Variants in DENND2D observed in about 807,000 individuals in gnomAD.
The protein encoded by DENND2D is DENN domain containing 2D.
In DENND2D, 37 loss-of-function variants were observed where a neutral mutation model predicts 59.8. The observed-to-expected ratio is 0.62, with a 90% CI of 0.48 to 0.81. The LOEUF (loss-of-function observed/expected upper bound fraction) is 0.81, where lower values mean the gene tolerates loss of function less well. DENND2D is among the 40% of genes least tolerant of loss of function. DENND2D has a pLI of 0.00. For synonymous variants in DENND2D, 219 were observed against 211.3 expected, an observed-to-expected ratio of 1.04 and a Z score of -0.31; for missense variants, 525 against 579.7, an observed-to-expected ratio of 0.91 and a Z score of 0.97.
rs372717111 is a variant in DENND2D at position 111,188,388 on chromosome 1, G to T, written c.1100-18C>A. The T allele has an allele frequency of 1.2e-5, 19 of 1,610,960 alleles. 1 individual carries two copies. The highest frequency in any genetic ancestry group is 8.3e-5 in the Admixed American group (5 of 59,920). On this transcript the variant is annotated intron_variant, in intron 10 of 11. Coordinates refer to ENST00000357640, the MANE Select transcript of DENND2D (RefSeq NM_024901.5). ...TTCTGCAGCTGCAGGAGATATAAAGGCCATCTCAGAGGGTAGCAGAAGGAT... is the reference window on the plus strand; with the variant it reads ...TTCTGCAGCTGCAGGAGATATAAAGTCCATCTCAGAGGGTAGCAGAAGGAT...
rs1350615870 is a variant in DENND2D, at chr1:111,196,021, G to C, written c.540C>G (p.Ser180=). The C allele has an allele frequency of 6.2e-7, 1 of 1,613,594 alleles. No individual in the cohort carries two copies. Among genetic ancestry groups the C allele is most frequent in the East Asian group, 2.2e-5 (1 of 44,866 alleles). ...GCATGAACGGGTAGATGACAGCCATGGAGATCTGATGTCTCTTCTCCACTT... is the reference window on the plus strand; with the variant it reads ...GCATGAACGGGTAGATGACAGCCATCGAGATCTGATGTCTCTTCTCCACTT... The part of the protein sequence containing the change: ...LDEVEKRHQI[S]MAVIYPFMQG... Residue 180 remains serine, a synonymous_variant, in exon 6 of 12, where the codon TCC becomes TCG. Coordinates refer to ENST00000357640, the MANE Select transcript of DENND2D (RefSeq NM_024901.5).
Position 111,200,428 on chromosome 1 carries a change from C to T in DENND2D, c.32G>A (p.Arg11Lys), listed in dbSNP as rs1416578379. The T allele has an allele frequency of 3.1e-6, 5 of 1,612,384 alleles. No individual in the cohort carries two copies. The highest frequency in any genetic ancestry group is 4.2e-6 in the Non-Finnish European group (5 of 1,179,258). ...TTGAAGCAGTCGGCGTTGGAAGAGC[C>T]TGAACACCCGGCCTACCACTTGTCC... is the stretch of plus-strand genomic sequence containing the variant. MEGQVVGRVF[R>K]LFQRRLLQLR... The change falls in exon 1 of 12, where the codon AGG (arginine) becomes AAG (lysine). Residue 11 changes from arginine to lysine, a missense_variant. By Grantham distance (26) the Arg-to-Lys change is conservative (BLOSUM62 2). Around this residue, in one of 3 missense-constraint regions of DENND2D, gnomAD observed 253 missense variants for 246.4 expected, o/e 1.03. Transcript: ENST00000357640.
chr1:111,197,716 C>G, intron 4 of DENND2D: 1 of 1,421,284 alleles, frequency 7.0e-7, no homozygotes, highest in Non-Finnish European at 9.2e-7. Flanking sequence ...CAGAGCCTGA[C>G]CAGCAGCGGG....
upstream of DENND2D, among the ~76,000 whole-genome samples, chr1:111,203,481 A>G (rs976298281): frequency 6.6e-6 from 1 of 152,250 alleles, no homozygotes; most frequent in African/African-American, 2.4e-5. Flanking sequence ...GCTAGTGGTA[A>G]GCCACACAAA....
At chr1:111,197,498 G>A in intron 4 of DENND2D, 1 of 1,407,234 alleles carries the variant, frequency 7.1e-7, no homozygotes, top group Non-Finnish European at 9.2e-7. Context: ...AAGAGGGGTA[G>A]CAAGTGTGCC....
rs772199183 is a variant in DENND2D, at chr1:111,200,482, G to A, written c.-23C>T. ...CATCTCTGGGCCTTCAGGACAGAGC[G>A]GACTCCCCTCTCCCCTAACACAGAC... On this transcript the variant is annotated 5_prime_UTR_variant, in exon 1 of 12. Transcript: ENST00000357640. The A allele has an allele frequency of 1.3e-5, 20 of 1,598,184 alleles. No homozygotes were observed. In the East Asian group the frequency reaches 1.6e-4, roughly 13 times the overall value.
intron 8 of DENND2D, 51 bp from the exon 9 acceptor site, chr1:111,189,304 C>A (rs375365636): frequency 3.1e-5 from 50 of 1,603,150 alleles, no homozygotes; most frequent in Non-Finnish European, 4.1e-5. Flanking sequence ...TCATAGACCC[C>A]CAGAGGATTT....
chr1:111,194,857 C>T (rs1441243385), intron 6 of DENND2D, 131 bp from the exon 7 acceptor site: 2 of 1,009,876 alleles, frequency 2.0e-6, no homozygotes, highest in Admixed American at 2.5e-5. Flanking sequence ...TCTCTGTCCC[C>T]CTGCTAATTG....
At chr1:111,202,178 A>G (rs528475771), upstream of DENND2D, among the ~76,000 whole-genome samples, 13 of 152,324 alleles carry the variant, frequency 8.5e-5, no homozygotes, top group Admixed American at 3.3e-4. Context: ...ATTCTAATGA[A>G]ATTATGCCTT....
At chr1:111,198,787 G>C (rs765483359) in intron 2 of DENND2D, 45 bp from the exon 3 acceptor site, 29 of 1,598,456 alleles carry the variant, frequency 1.8e-5, no homozygotes, top group Admixed American at 5.0e-5. Context: ...GCTGGGGGCA[G>C]AGATAGCAGG....
At chr1:111,196,890 A>C (rs1388751335) in intron 5 of DENND2D, 2 of 390,712 alleles carry the variant, frequency 5.1e-6, no homozygotes, top group African/African-American at 4.0e-5. Flanking sequence ...GAGGAAATTG[A>C]AACTCAGGGC....
At chr1:111,197,735 C>G in intron 4 of DENND2D, 185 bp downstream of exon 4, 1 of 1,427,054 alleles carries the variant, frequency 7.0e-7, no homozygotes, top group Non-Finnish European at 9.1e-7. Context: ...GGAGAAGGGG[C>G]ATCAGGTCCT....
In DENND2D at chr1:111,195,942, T is replaced by C. The variant is rs920618467; in HGVS notation, c.619A>G (p.Ser207Gly). ...PAPGKTVTLK[S>G]FIPDSGTEFI... is the part of the protein sequence containing the mutation. The stretch of plus-strand genomic sequence containing the variant: ...TCAGTGCCTGAGTCGGGGATGAAGC[T>C]CTTGAGAGTGACAGTCTTCCCAGGA... Residue 207 changes from serine to glycine, a missense_variant, in exon 6 of 12, where the codon AGC (serine) becomes GGC (glycine). Ser to Gly is a moderately conservative substitution (Grantham distance 56, BLOSUM62 0). This residue lies in a region of DENND2D where 47 missense variants were observed against 80.9 expected (regional missense o/e 0.58). Transcript: ENST00000357640. 1.2e-6 allele frequency: 2 copies of C among 1,613,986 alleles called. No individual in the cohort carries two copies. The highest frequency in any genetic ancestry group is 1.7e-6 in the Non-Finnish European group (2 of 1,180,002).
intron 8 of DENND2D, among the ~76,000 whole-genome samples, chr1:111,189,494 A>G (rs1226336694): frequency 2.0e-5 from 3 of 152,220 alleles, no homozygotes; most frequent in Non-Finnish European, 2.9e-5. Flanking sequence ...AGAAAGAGCT[A>G]AGGTAGAAGG....
Position 111,187,388 on chromosome 1 carries a change from G to T in DENND2D, c.*217C>A. ...TGCAAAAAATGGAGCTCTGAGCCCA[G>T]TTCTGTGAGCATGGTGTCAGAGCCC... On this transcript the variant is annotated 3_prime_UTR_variant, in exon 12 of 12. Coordinates refer to ENST00000357640, the MANE Select transcript of DENND2D (RefSeq NM_024901.5). 1 of 561,514 alleles carries T rather than the reference G, an allele frequency of 1.8e-6. No homozygotes were observed. The highest frequency in any genetic ancestry group is 3.0e-5 in the East Asian group (1 of 33,692). 34.8% of individuals were successfully genotyped at this position (561,514 alleles called of 1,614,324 possible).
chr1:111,189,329 T>C, intron 8 of DENND2D, 76 bp from the exon 9 acceptor site: 4 of 1,522,956 alleles, frequency 2.6e-6, no homozygotes, highest in Non-Finnish European at 3.6e-6. Context: ...TCTTGATTTC[T>C]GCCTGTGGCT....
Position 111,194,780 on chromosome 1 carries a change from A to G in DENND2D, c.646-54T>C, listed in dbSNP as rs116006110. ...GTCACTATACTGCAAGATCATGCAG[A>G]CCCCGAGGTGCTAGGCCTCTACCAG... On this transcript the variant is annotated intron_variant, in intron 6 of 11. Coordinates refer to ENST00000357640, the MANE Select transcript of DENND2D (RefSeq NM_024901.5). 691 of 1,591,176 alleles carry G rather than the reference A, an allele frequency of 4.3e-4. 5 individuals carry two copies. The African/African-American group carries it at 8.5e-3, about 20-fold the overall frequency.
chr1:111,195,744 A>G, intron 6 of DENND2D, 172 bp downstream of exon 6: 1 of 859,804 alleles, frequency 1.2e-6, no homozygotes. Context: ...AGTTAGAAGG[A>G]TCAGAAAATC....
Position 111,199,639 on chromosome 1 carries a change from G to T in DENND2D, c.227C>A (p.Thr76Asn), listed in dbSNP as rs774094945. The T allele has an allele frequency of 2.5e-6, 4 of 1,613,496 alleles. No individual in the cohort carries two copies. The highest frequency in any genetic ancestry group is 2.5e-6 in the Non-Finnish European group (3 of 1,179,708). Residue 76 changes from threonine to asparagine, a missense_variant, in exon 2 of 12, where the codon ACC becomes AAC. Physicochemically the swap from Thr to Asn is moderately conservative, Grantham distance 65 (BLOSUM62 0). This residue lies in a region of DENND2D where 253 missense variants were observed against 246.4 expected (regional missense o/e 1.03). Transcript: ENST00000357640. ...AGTCCTTACCTTGGGAAATTGGTAG[G>T]TGATTATAGGCTCGTAATCATCCTC... ...RSEDDYEPII[T>N]YQFPKRENLL... is the part of the protein sequence containing the mutation.
Sources: allele counts gnomAD v4.1 joint callset (sites outside exome capture counted in the v4.1 genomes callset), GRCh38; gene constraint gnomAD v4.1.1; regional missense constraint gnomAD v4.1.1; transcripts MANE v1.5; gene names NCBI Gene and HGNC (gene_info 2026-07-23, HGNC 2026-07-21).